ASAP1: variants seen among roughly 807,000 people sequenced by gnomAD.
ASAP1 encodes ArfGAP with SH3 domain, ankyrin repeat and PH domain 1.
Under a neutral mutation model 145.2 loss-of-function variants are expected in ASAP1, and 43 were observed. The ratio of observed to expected loss-of-function variants is 0.30; its 90% CI spans 0.23 to 0.38. The LOEUF is 0.38. Ranked by LOEUF, ASAP1 falls within the 10% of genes least tolerant of loss-of-function variation. The pLI is 1.00. For synonymous variants in ASAP1, 546 were observed against 515.5 expected, an observed-to-expected ratio of 1.06 and a Z score of -0.80; for missense variants, 1,018 against 1,355.3, an observed-to-expected ratio of 0.75 and a Z score of 3.91.
At chr8:130,394,178 G>A (rs530102891) in intron 2 of ASAP1, among the ~76,000 whole-genome samples, 17 of 152,260 alleles carry the variant, frequency 1.1e-4, no homozygotes, top group South Asian at 8.3e-4. Flanking sequence ...TTTGACCACC[G>A]GTGAGCTGGG....
chr8:130,284,879 A>ACACC (rs1554871038), intron 3 of ASAP1, among the ~76,000 whole-genome samples: 14 of 144,912 alleles, frequency 9.7e-5, no homozygotes, highest in African/African-American at 2.0e-4. Flanking sequence ...ACACACACAC[A>ACACC]CCATACTGAG....
At chr8:130,272,295 A>C (rs1346236403) in intron 3 of ASAP1, among the ~76,000 whole-genome samples, 1 of 152,218 alleles carries the variant, frequency 6.6e-6, no homozygotes, top group Non-Finnish European at 1.5e-5. Flanking sequence ...ATATCATCTT[A>C]TCCCAGTTAG....
chr8:130,230,744 A>G (rs73427332), intron 4 of ASAP1, among the ~76,000 whole-genome samples: 126 of 152,292 alleles, frequency 8.3e-4, no homozygotes, highest in African/African-American at 3.0e-3. Flanking sequence ...TTTTTTAAAA[A>G]ATCTGGCTAT....
Position 130,429,587 on chromosome 8 carries a change from G to A in ASAP1, c.-28+13873C>T, listed in dbSNP as rs76839420. On this transcript the variant is annotated intron_variant, in intron 1 of 29. Coordinates refer to ENST00000518721, the MANE Select transcript of ASAP1 (RefSeq NM_018482.4). The stretch of plus-strand genomic sequence containing the variant: ...CAGCCATCCATACCACAGAAGCAGC[G>A]TTGTTTCTGGTGTATGATTACCCTC... Among the ~76,000 whole-genome samples, 309 of 152,312 alleles carry A rather than the reference G, an allele frequency of 2.0e-3. 1 individual carries two copies. Among genetic ancestry groups the A allele is most frequent in the Non-Finnish European group, 3.4e-3 (233 of 68,030 alleles).
intron 18 of ASAP1, among the ~76,000 whole-genome samples, chr8:130,123,023 A>G (rs7004884): frequency 0.71 from 107,448 of 152,108 alleles, 38,041 homozygotes; most frequent in South Asian, 0.78. Flanking sequence ...GTAGTTTTAC[A>G]ATCAAATTAA....
intron 3 of ASAP1, among the ~76,000 whole-genome samples, chr8:130,329,777 T>C (rs1824564790): frequency 1.3e-5 from 2 of 152,212 alleles, no homozygotes. Context: ...TTATGACGTG[T>C]TGCACTTCTC....
chr8:130,148,079 C>T (rs749112985), intron 13 of ASAP1, among the ~76,000 whole-genome samples: 3 of 152,184 alleles, frequency 2.0e-5, no homozygotes, highest in African/African-American at 7.2e-5. Context: ...CCTCCCTTCC[C>T]GGAATCCCTT....
chr8:130,300,147 C>CAG (rs767665838), intron 3 of ASAP1, among the ~76,000 whole-genome samples: 32 of 100,336 alleles, frequency 3.2e-4, no homozygotes, highest in Middle Eastern at 5.0e-3. Context: ...CACACACACA[C>CAG]ACACACAGAG....
At chr8:130,064,517 T>G (rs1014789100) in intron 27 of ASAP1, among the ~76,000 whole-genome samples, 2 of 152,082 alleles carry the variant, frequency 1.3e-5, no homozygotes, top group Non-Finnish European at 2.9e-5. Context: ...TCAGACACTG[T>G]GTGGGGAAAA....
chr8:130,255,608 T>G (rs1037906668), intron 3 of ASAP1, among the ~76,000 whole-genome samples: 1 of 152,208 alleles, frequency 6.6e-6, no homozygotes, highest in African/African-American at 2.4e-5. Context: ...TATAAAAGCC[T>G]AATTTTCAGG....
chr8:130,400,231 T>C (rs1245571714), intron 2 of ASAP1, among the ~76,000 whole-genome samples: 3 of 152,206 alleles, frequency 2.0e-5, no homozygotes, highest in African/African-American at 7.2e-5. Flanking sequence ...TTAGAAACCC[T>C]GGCCCCAACA....
chr8:130,209,686 A>G (rs988005650), intron 5 of ASAP1, among the ~76,000 whole-genome samples: 1 of 152,210 alleles, frequency 6.6e-6, no homozygotes, highest in Non-Finnish European at 1.5e-5. Context: ...GTATGCATAA[A>G]GCCCTTTTTA....
chr8:130,413,808 A>G (rs886503415), intron 1 of ASAP1, among the ~76,000 whole-genome samples: 19 of 152,242 alleles, frequency 1.2e-4, no homozygotes, highest in Non-Finnish European at 2.2e-4. Flanking sequence ...TTGTCAGTCC[A>G]CAGATAACAT....
rs1329445527 is a variant in ASAP1 at position 130,060,865 on chromosome 8, C to G, written c.2906G>C (p.Gly969Ala). The change falls in exon 28 of 30, where the codon GGG becomes GCG. Residue 969 changes from glycine to alanine, a missense_variant. Physicochemically the swap from Gly to Ala is moderately conservative, Grantham distance 60. Around this residue, in one of 9 missense-constraint regions of ASAP1, gnomAD observed 139 missense variants for 131.0 expected, o/e 1.06. Transcript: ENST00000518721. ...GAGTTGGGGTTTGGGTGGCAGGTCC[C>G]CCAGCTGTGGTTTGGGGGGCAGTTC... ...PGELPPKPQLGDLPPKPQLSD... is the reference protein window; with the variant it reads ...PGELPPKPQLADLPPKPQLSD... The G allele has an allele frequency of 6.2e-7, 1 of 1,613,660 alleles. No individual in the cohort carries two copies. Among genetic ancestry groups the G allele is most frequent in the African/African-American group, 1.3e-5 (1 of 74,780 alleles).
chr8:130,300,137 CACACACACACACACACAG>C (rs1822539981), intron 3 of ASAP1, among the ~76,000 whole-genome samples: 1 of 118,456 alleles, frequency 8.4e-6, no homozygotes, highest in African/African-American at 3.7e-5. Flanking sequence ...CACACACACA[CACACACACACACACACAG>C]AGAGAGAGAG....
At chr8:130,273,673 T>C (rs1820713863) in intron 3 of ASAP1, among the ~76,000 whole-genome samples, 1 of 152,194 alleles carries the variant, frequency 6.6e-6, no homozygotes, top group East Asian at 1.9e-4. Flanking sequence ...TGGCTTATAA[T>C]GTCATTCCTA....
intron 1 of ASAP1, among the ~76,000 whole-genome samples, chr8:130,405,928 G>A (rs1829008058): frequency 6.6e-6 from 1 of 151,436 alleles, no homozygotes; most frequent in Non-Finnish European, 1.5e-5. Context: ...AATACCTGAA[G>A]ATAAATACTG....
chr8:130,376,476 C>T (rs575151111), intron 2 of ASAP1, among the ~76,000 whole-genome samples: 1 of 152,134 alleles, frequency 6.6e-6, no homozygotes, highest in Non-Finnish European at 1.5e-5. Flanking sequence ...GCCTGTAATC[C>T]CAACACTTTG....
intron 24 of ASAP1, among the ~76,000 whole-genome samples, chr8:130,100,321 T>C (rs2097526524): frequency 6.6e-6 from 1 of 151,866 alleles, no homozygotes; most frequent in South Asian, 2.1e-4. Context: ...GTGTTTTCTT[T>C]CTTTCTTTCT....
Sources: gnomAD v4.1 joint callset for allele counts (sites outside exome capture counted in the v4.1 genomes callset) on GRCh38, gnomAD v4.1.1 for gene constraint, gnomAD v4.1.1 regional missense constraint, MANE v1.5 for transcripts, NCBI Gene and HGNC (gene_info 2026-07-23, HGNC 2026-07-21) for gene names.